The following GNAI3 variants were observed in gnomAD, a reference collection of about 807,000 sequenced individuals.
GNAI3 encodes the protein guanine nucleotide-binding protein G(i) subunit alpha-3.
Under a neutral mutation model 41.8 loss-of-function variants are expected in GNAI3, and 12 were observed. The ratio of observed to expected loss-of-function variants is 0.29; its 90% CI spans 0.18 to 0.47. The LOEUF is 0.47. GNAI3 is among the 20% of genes least tolerant of loss of function. GNAI3 has a pLI of 1.00. For synonymous variants in GNAI3, 132 were observed against 146.5 expected, an observed-to-expected ratio of 0.90 and a Z score of 0.71; for missense variants, 360 against 429.6, an observed-to-expected ratio of 0.84 and a Z score of 1.43.
intron 1 of GNAI3, among the ~76,000 whole-genome samples, chr1:109,569,050 C>T (rs933262604): frequency 6.6e-6 from 1 of 152,178 alleles, no homozygotes; most frequent in African/African-American, 2.4e-5. Flanking sequence ...TGCCTTGCCT[C>T]TTTTATTGAG....
At chr1:109,548,937 A>T in intron 1 of GNAI3, 99 bp downstream of exon 1, 5 of 536,988 alleles carry the variant, frequency 9.3e-6, no homozygotes, top group Admixed American at 3.2e-5. Flanking sequence ...AGGACCCTAA[A>T]GGGATCTGGA....
intron 1 of GNAI3, among the ~76,000 whole-genome samples, chr1:109,560,288 T>A (rs1648270534): frequency 6.6e-6 from 1 of 152,230 alleles, no homozygotes. Flanking sequence ...GTTTCTTGAA[T>A]AATGTTAGTA....
chr1:109,590,817 C>T (rs1482892240), intron 7 of GNAI3, among the ~76,000 whole-genome samples: 4 of 152,078 alleles, frequency 2.6e-5, no homozygotes, highest in East Asian at 1.9e-4. Context: ...CCACCTGCTG[C>T]GGCCCCCAAA....
At chr1:109,551,648 G>A (rs1034300074) in intron 1 of GNAI3, among the ~76,000 whole-genome samples, 2 of 152,078 alleles carry the variant, frequency 1.3e-5, no homozygotes, top group African/African-American at 4.8e-5. Context: ...ATTGCTGTGA[G>A]GATTAAATAT....
At chr1:109,564,458 C>T (rs1386826861) in intron 1 of GNAI3, among the ~76,000 whole-genome samples, 2 of 152,016 alleles carry the variant, frequency 1.3e-5, no homozygotes, top group Admixed American at 6.5e-5. Context: ...TGTGAGCTCT[C>T]TCCTTTAAGT....
intron 7 of GNAI3, among the ~76,000 whole-genome samples, chr1:109,588,913 C>A (rs997631846): frequency 2.6e-5 from 4 of 151,964 alleles, no homozygotes; most frequent in African/African-American, 9.7e-5. Flanking sequence ...ATCAATCAAT[C>A]AATAAAGTGA....
At chr1:109,554,517 C>G (rs972692214) in intron 1 of GNAI3, among the ~76,000 whole-genome samples, 2 of 151,978 alleles carry the variant, frequency 1.3e-5, no homozygotes, top group African/African-American at 4.8e-5. Flanking sequence ...ATTTGTATAT[C>G]TTGTGAGAAT....
intron 1 of GNAI3, among the ~76,000 whole-genome samples, chr1:109,561,564 T>C (rs1350915783): frequency 6.6e-6 from 1 of 152,226 alleles, no homozygotes; most frequent in South Asian, 2.1e-4. Context: ...TTTTCATTGT[T>C]GCACTGTTCA....
chr1:109,580,146 C>T (rs576833663), intron 4 of GNAI3, among the ~76,000 whole-genome samples: 5 of 152,246 alleles, frequency 3.3e-5, no homozygotes, highest in Admixed American at 2.0e-4. Flanking sequence ...GGACTACAGG[C>T]GCCCGCCACC....
chr1:109,584,533 T>A (rs865930558), intron 5 of GNAI3, among the ~76,000 whole-genome samples: 23 of 152,258 alleles, frequency 1.5e-4, no homozygotes, highest in African/African-American at 5.5e-4. Flanking sequence ...TAGCCAGATC[T>A]AATTAAGGTG....
chr1:109,586,959 C>T, intron 7 of GNAI3, 77 bp downstream of exon 7: 4 of 953,984 alleles, frequency 4.2e-6, no homozygotes, highest in South Asian at 1.5e-5. Context: ...CATAAAACTG[C>T]CTTTTTTTTT....
chr1:109,576,963 A>C (rs1020264203), intron 3 of GNAI3, among the ~76,000 whole-genome samples: 1 of 151,984 alleles, frequency 6.6e-6, no homozygotes, highest in African/African-American at 2.4e-5. Context: ...AAAAAGTAGT[A>C]ATAATTCCCT....
chr1:109,564,035 T>TTG (rs1648386393), intron 1 of GNAI3, among the ~76,000 whole-genome samples: 1 of 146,828 alleles, frequency 6.8e-6, no homozygotes, highest in African/African-American at 2.6e-5. Flanking sequence ...CATTCAGTTT[T>TTG]TGTGTGTTTT....
At chr1:109,590,401 T>TA (rs1360678857) in intron 7 of GNAI3, among the ~76,000 whole-genome samples, 1 of 152,212 alleles carries the variant, frequency 6.6e-6, no homozygotes, top group Admixed American at 6.5e-5. Flanking sequence ...TACAGATTCT[T>TA]ACGGTCCTTA....
chr1:109,558,445 A>G (rs1167138911), intron 1 of GNAI3, among the ~76,000 whole-genome samples: 1 of 152,040 alleles, frequency 6.6e-6, no homozygotes, highest in Non-Finnish European at 1.5e-5. Context: ...CAAAAACAAA[A>G]TTTAAAAATA....
rs369528637 is a variant in GNAI3 at position 109,592,255 on chromosome 1, G to A, written c.*22G>A. On this transcript the variant is annotated splice_region_variant and 3_prime_UTR_variant, in exon 8 of 9. Coordinates refer to ENST00000369851, the MANE Select transcript of GNAI3 (RefSeq NM_006496.4). ...TTGAGAAGCATGGATGTTAGTGAAAGGTAAAGTTTCATACAAGGTAGTTAT... is the reference window on the plus strand; with the variant it reads ...TTGAGAAGCATGGATGTTAGTGAAAAGTAAAGTTTCATACAAGGTAGTTAT... 1.0e-4 allele frequency: 158 copies of A among 1,530,510 alleles called. No individual in the cohort carries two copies. Among genetic ancestry groups the A allele is most frequent in the Non-Finnish European group, 1.4e-4 (150 of 1,105,730 alleles). The allele number at this position is 1,530,510 out of a possible 1,614,324, so 94.8% of individuals were successfully genotyped here.
chr1:109,555,614 T>A (rs1000659961), intron 1 of GNAI3, among the ~76,000 whole-genome samples: 2 of 152,194 alleles, frequency 1.3e-5, no homozygotes, highest in African/African-American at 4.8e-5. Flanking sequence ...ATACTAGATT[T>A]CACAGGGCAT....
intron 3 of GNAI3, 28 bp downstream of exon 3, chr1:109,574,065 T>TG: frequency 6.3e-7 from 1 of 1,577,622 alleles, no homozygotes; most frequent in African/African-American, 1.4e-5. Context: ...CCTCTTCACT[T>TG]GCTCTTATTC....
At chr1:109,588,097 T>C (rs1037036708) in intron 7 of GNAI3, among the ~76,000 whole-genome samples, 1 of 152,170 alleles carries the variant, frequency 6.6e-6, no homozygotes, top group African/African-American at 2.4e-5. Flanking sequence ...AAGATCAGAC[T>C]AGGCTGGGCG....
Sources: allele counts gnomAD v4.1 joint callset (sites outside exome capture counted in the v4.1 genomes callset), GRCh38; gene constraint gnomAD v4.1.1; transcripts MANE v1.5; gene names NCBI Gene and HGNC (gene_info 2026-07-23, HGNC 2026-07-21).